The following ATIC variants were observed in gnomAD, a reference collection of about 807,000 sequenced individuals.
ATIC encodes the protein 5-aminoimidazole-4-carboxamide ribonucleotide formyltransferase/IMP cyclohydrolase.
Under a neutral mutation model 72.5 loss-of-function variants are expected in ATIC, and 64 were observed. The ratio of observed to expected loss-of-function variants is 0.88; its 90% CI spans 0.72 to 1.09. ATIC has a LOEUF of 1.09. Among genes scored for constraint, ATIC ranks in the 50% least tolerant of loss-of-function variants. The pLI, the probability that ATIC is intolerant of heterozygous loss-of-function variation, is 0.00. For synonymous variants in ATIC, 281 were observed against 267.1 expected, an observed-to-expected ratio of 1.05 and a Z score of -0.51; for missense variants, 787 against 732.4, an observed-to-expected ratio of 1.07 and a Z score of -0.86.
chr2:215,312,114 C>G lies in ATIC; in HGVS notation c.-29C>G, dbSNP rs2052657420. 6.5e-7 allele frequency: 1 copy of G among 1,530,566 alleles called. No individual in the cohort carries two copies. Among genetic ancestry groups the G allele is most frequent in the Non-Finnish European group, 8.7e-7 (1 of 1,144,964 alleles). 94.8% of individuals were successfully genotyped at this position (1,530,566 alleles called of 1,614,324 possible). A position where few individuals can be genotyped will look rare whatever the true frequency, so the allele number is the denominator to read the frequency against. On this transcript the variant is annotated 5_prime_UTR_variant, in exon 1 of 16. Transcript: ENST00000236959. ...ACGTGGTGCCGCCGCTGCTGCCTCC[C>G]GCTCGCCCTGAACCCAGTGCCTGCA...
At chr2:215,331,124 A>G (rs896123856) in intron 7 of ATIC, among the ~76,000 whole-genome samples, 3 of 152,154 alleles carry the variant, frequency 2.0e-5, no homozygotes, top group Admixed American at 6.5e-5. Context: ...TTTTCAACTC[A>G]TTTTGATAAA....
chr2:215,338,202 G>A lies in ATIC; in HGVS notation c.1099-577G>A, dbSNP rs945638602. On this transcript the variant is annotated intron_variant, in intron 11 of 15. Transcript: ENST00000236959. Reference sequence around the variant, plus strand: ...GTTCCACACACCTTAATGTTCTTTCGGCTCAAAATTTGGGAGAGGAAGATG... The same window carrying A: ...GTTCCACACACCTTAATGTTCTTTCAGCTCAAAATTTGGGAGAGGAAGATG... Among the ~76,000 whole-genome samples, 36 of 152,076 alleles carry A rather than the reference G, an allele frequency of 2.4e-4. 1 individual carries two copies. The highest frequency in any genetic ancestry group is 1.0e-4 in the Non-Finnish European group (7 of 68,020).
chr2:215,339,141 T>C (rs112427841), intron 12 of ATIC, among the ~76,000 whole-genome samples: 75 of 144,292 alleles, frequency 5.2e-4, no homozygotes, highest in African/African-American at 1.8e-3. Context: ...TTTAATTGTG[T>C]ATAAATGGGA....
chr2:215,316,695 A>G (rs757609542), intron 2 of ATIC, among the ~76,000 whole-genome samples: 1 of 152,240 alleles, frequency 6.6e-6, no homozygotes, highest in African/African-American at 2.4e-5. Context: ...TTTTATAAGC[A>G]TGTACTTTAT....
chr2:215,354,067 G>GC (rs2053149226), downstream of ATIC, among the ~76,000 whole-genome samples: 1 of 150,062 alleles, frequency 6.7e-6, no homozygotes, highest in Non-Finnish European at 1.5e-5. Flanking sequence ...TGTTGCCGAT[G>GC]CCCAGGCTGG....
the ATIC span, chr2:215,364,963 A>C: frequency 1.3e-5 from 20 of 1,579,844 alleles, no homozygotes; most frequent in Non-Finnish European, 1.7e-5. Context: ...ATGTCTTCCC[A>C]TCATCATAAC....
intron 7 of ATIC, among the ~76,000 whole-genome samples, chr2:215,330,822 G>A (rs1394586078): frequency 2.6e-5 from 4 of 151,910 alleles, no homozygotes; most frequent in South Asian, 2.1e-4. Context: ...GGGATTACAG[G>A]CATGCACCAC....
intron 7 of ATIC, among the ~76,000 whole-genome samples, chr2:215,329,589 G>A (rs1208211647): frequency 6.6e-6 from 1 of 152,192 alleles, no homozygotes; most frequent in Admixed American, 6.5e-5. Flanking sequence ...AGATGGGGTT[G>A]TGTGAGTGTG....
At chr2:215,328,686 A>G (rs1169996734) in intron 7 of ATIC, among the ~76,000 whole-genome samples, 2 of 150,622 alleles carry the variant, frequency 1.3e-5, no homozygotes, top group African/African-American at 2.4e-5. Flanking sequence ...CAATCTGTTC[A>G]AATTGTCTTC....
the ATIC span, among the ~76,000 whole-genome samples, chr2:215,359,460 C>T: frequency 2.0e-5 from 3 of 152,046 alleles, no homozygotes; most frequent in African/African-American, 4.8e-5. Context: ...CAGTGATGAC[C>T]GACATATGTG....
chr2:215,333,209 A>G, intron 8 of ATIC, 141 bp from the exon 9 acceptor site: 1 of 722,962 alleles, frequency 1.4e-6, no homozygotes. Flanking sequence ...TTATCTGGCT[A>G]AATAGATTTC....
the ATIC span, among the ~76,000 whole-genome samples, chr2:215,358,004 AATGAGTTTC>A: frequency 7.2e-5 from 11 of 152,300 alleles, no homozygotes; most frequent in Non-Finnish European, 1.2e-4. Flanking sequence ...TAATCACTTT[AATGAGTTTC>A]ATACCACTAG....
At chr2:215,354,895 C>G in the ATIC span, among the ~76,000 whole-genome samples, 3 of 151,816 alleles carry the variant, frequency 2.0e-5, no homozygotes, top group Non-Finnish European at 4.4e-5. Context: ...TGAGACAGCC[C>G]AGCTGATGCA....
chr2:215,336,076 C>CT lies in ATIC; in HGVS notation c.1052dup (p.Leu351PhefsTer25). On this transcript the variant is annotated frameshift_variant, in exon 11 of 16. Coordinates refer to ENST00000236959, the MANE Select transcript of ATIC (RefSeq NM_004044.7). LOFTEE classifies it high-confidence loss of function. ...TTGCCCCAGGATATGAAGAAGAAGCCTTGACAATACTTTCCAAAAAGAAAA... is the reference window on the plus strand; with the variant it reads ...TTGCCCCAGGATATGAAGAAGAAGCCTTTGACAATACTTTCCAAAAAGAAAA... 1 of 1,613,120 alleles carries CT rather than the reference C, an allele frequency of 6.2e-7. No individual in the cohort carries two copies. The highest frequency in any genetic ancestry group is 8.5e-7 in the Non-Finnish European group (1 of 1,179,474).
downstream of ATIC, among the ~76,000 whole-genome samples, chr2:215,350,246 C>T (rs999675250): frequency 1.4e-4 from 22 of 152,144 alleles, no homozygotes; most frequent in Admixed American, 1.3e-3. Context: ...AAGCGATTCT[C>T]CTGCCTCAGT....
At chr2:215,355,477 T>G in the ATIC span, among the ~76,000 whole-genome samples, 1 of 152,158 alleles carries the variant, frequency 6.6e-6, no homozygotes, top group Non-Finnish European at 1.5e-5. Context: ...TCCTCCATTC[T>G]TCCTCCCGTT....
At chr2:215,357,027 A>T in the ATIC span, among the ~76,000 whole-genome samples, 2 of 152,270 alleles carry the variant, frequency 1.3e-5, no homozygotes, top group East Asian at 3.9e-4. Context: ...CAGCAGCCGC[A>T]CCGTTTTACA....
Position 215,349,562 on chromosome 2 carries a change from C to T in ATIC, c.1686C>T (p.Pro562=). 1.2e-6 allele frequency: 2 copies of T among 1,614,156 alleles called. No individual in the cohort carries two copies. Among genetic ancestry groups the T allele is most frequent in the Non-Finnish European group, 1.7e-6 (2 of 1,180,028 alleles). Residue 562 remains proline, a synonymous_variant, in exon 16 of 16, where the codon CCC becomes CCT. Coordinates refer to ENST00000236959, the MANE Select transcript of ATIC (RefSeq NM_004044.7). The part of the protein sequence containing the change: ...KRSGVAYIAA[P]SGSAADKVVI... ...GTGGTGTGGCGTACATTGCGGCTCC[C>T]TCCGGTTCTGCTGCTGACAAAGTTG...
chr2:215,346,815 A>G lies in ATIC; in HGVS notation c.1377A>G (p.Gly459=), dbSNP rs905813467. The change falls in exon 14 of 16, where the codon GGA becomes GGG. Residue 459 remains glycine (G), a synonymous_variant. Transcript: ENST00000236959. ...GTATACACTGCACTCGCCTTGCAGG[A>G]GATAAGGCAAACTATTGGTGGCTTA... ...QSRIHCTRLA[G]DKANYWWLRH... 6.2e-6 allele frequency: 10 copies of G among 1,614,208 alleles called. No individual in the cohort carries two copies. Among genetic ancestry groups the G allele is most frequent in the Non-Finnish European group, 8.5e-6 (10 of 1,180,034 alleles).
Sources: gnomAD v4.1 joint callset for allele counts (sites outside exome capture counted in the v4.1 genomes callset) on GRCh38, gnomAD v4.1.1 for gene constraint, MANE v1.5 for transcripts, NCBI Gene and HGNC (gene_info 2026-07-23, HGNC 2026-07-21) for gene names.